Variants in PDE1C observed in about 807,000 individuals in gnomAD.
The protein encoded by PDE1C is dual specificity calcium/calmodulin-dependent 3',5'-cyclic nucleotide phosphodiesterase 1C.
Under a neutral mutation model 93.1 loss-of-function variants are expected in PDE1C, and 62 were observed. That is an observed-to-expected ratio of 0.67 (90% CI 0.54 to 0.82). The LOEUF (loss-of-function observed/expected upper bound fraction) is 0.82, where lower values mean the gene tolerates loss of function less well. PDE1C is among the 40% of genes least tolerant of loss of function. The probability of loss-of-function intolerance (pLI) is 0.00; values close to 1 mark genes in which losing one functional copy is unlikely to be tolerated. For missense variants in PDE1C, 742 were observed against 884.6 expected (o/e 0.84, Z 2.04); for synonymous variants, 325 against 310.1 (o/e 1.05, Z -0.50).
chr7:32,171,860 G>T (rs894267177), intron 2 of PDE1C, among the ~76,000 whole-genome samples: 1 of 147,094 alleles, frequency 6.8e-6, no homozygotes, highest in East Asian at 2.0e-4. Context: ...GCCAAGAGGA[G>T]CCTAAAGATA....
intron 1 of PDE1C, among the ~76,000 whole-genome samples, chr7:32,323,467 G>A (rs1783338799): frequency 6.6e-6 from 1 of 152,138 alleles, no homozygotes; most frequent in Non-Finnish European, 1.5e-5. Context: ...AAGGAGCCCA[G>A]ACCTAGGTGG....
At chr7:32,395,931 C>T (rs888713523) in intron 1 of PDE1C, among the ~76,000 whole-genome samples, 30 of 152,202 alleles carry the variant, frequency 2.0e-4, no homozygotes, top group African/African-American at 6.7e-4. Flanking sequence ...ACAGGAAAAA[C>T]ATATTTTCTT....
At chr7:31,621,204 C>T in the PDE1C span, among the ~76,000 whole-genome samples, 1 of 152,078 alleles carries the variant, frequency 6.6e-6, no homozygotes, top group Non-Finnish European at 1.5e-5. Context: ...TCCAGGAGAA[C>T]TTCCCCAATC....
chr7:31,853,678 A>AT (rs70989614), intron 7 of PDE1C, among the ~76,000 whole-genome samples: 148,540 of 152,140 alleles, frequency 0.98, 72,615 homozygotes, highest in East Asian at 1. Flanking sequence ...GAAGGGAGAT[A>AT]AAAAGCAGGG....
At chr7:31,807,093 C>A (rs781674517) in intron 16 of PDE1C, among the ~76,000 whole-genome samples, 13 of 151,742 alleles carry the variant, frequency 8.6e-5, no homozygotes, top group Non-Finnish European at 1.6e-4. Context: ...GTCACTGAAG[C>A]TCAATGCTCT....
chr7:31,966,309 C>A (rs1202508945), intron 2 of PDE1C, among the ~76,000 whole-genome samples: 1 of 152,110 alleles, frequency 6.6e-6, no homozygotes, highest in Non-Finnish European at 1.5e-5. Flanking sequence ...GGTTGCAATC[C>A]TAGTCTCAGA....
At chr7:31,655,541 T>C in the PDE1C span, among the ~76,000 whole-genome samples, 1 of 152,132 alleles carries the variant, frequency 6.6e-6, no homozygotes. Context: ...AGCCAGAGAA[T>C]GAGAGAGAAA....
intron 2 of PDE1C, among the ~76,000 whole-genome samples, chr7:32,196,339 C>T (rs540049883): frequency 6.6e-6 from 1 of 152,186 alleles, no homozygotes; most frequent in South Asian, 2.1e-4. Flanking sequence ...CTAGGCTTCC[C>T]CTTTCCTGGT....
chr7:32,013,627 AC>A (rs138009891), intron 2 of PDE1C, among the ~76,000 whole-genome samples: 8,519 of 152,288 alleles, frequency 0.056, 277 homozygotes, highest in Non-Finnish European at 0.074. Flanking sequence ...AAAGGTAAAA[AC>A]ATCTCCAAAT....
intron 9 of PDE1C, among the ~76,000 whole-genome samples, chr7:31,838,584 C>T (rs879590591): frequency 3.3e-5 from 5 of 152,094 alleles, no homozygotes; most frequent in Non-Finnish European, 7.4e-5. Flanking sequence ...TACAGTTCTA[C>T]CAGTTTTGAC....
intron 2 of PDE1C, among the ~76,000 whole-genome samples, chr7:32,191,349 C>CCATGAGG (rs146127480): frequency 0.18 from 27,023 of 152,080 alleles, 2,726 homozygotes; most frequent in South Asian, 0.28. Flanking sequence ...AAAGATCCCT[C>CCATGAGG]ATGTTATCCT....
At chr7:32,136,744 C>A (rs1023674136) in intron 3 of PDE1C, among the ~76,000 whole-genome samples, 1 of 152,152 alleles carries the variant, frequency 6.6e-6, no homozygotes, top group African/African-American at 2.4e-5. Flanking sequence ...GTTGAGATAG[C>A]TTTAGCTCAA....
intron 6 of PDE1C, 69 bp downstream of exon 6, chr7:31,873,223 C>G: frequency 1.0e-6 from 1 of 956,410 alleles, no homozygotes; most frequent in Admixed American, 2.1e-5. Context: ...TAGTCTGAAC[C>G]CAAAAGTCAT....
At chr7:31,797,467 C>A (rs760619063) in intron 16 of PDE1C, among the ~76,000 whole-genome samples, 13 of 151,728 alleles carry the variant, frequency 8.6e-5, no homozygotes, top group Non-Finnish European at 1.6e-4. Flanking sequence ...ACTTCAGTGG[C>A]ATGACCACTA....
At chr7:32,239,708 G>A (rs1250190706) in intron 1 of PDE1C, among the ~76,000 whole-genome samples, 2 of 152,180 alleles carry the variant, frequency 1.3e-5, no homozygotes, top group African/African-American at 4.8e-5. Flanking sequence ...AGGACAGGGA[G>A]AGAAATGAGA....
intron 2 of PDE1C, among the ~76,000 whole-genome samples, chr7:31,952,702 T>C (rs77510828): frequency 0.011 from 1,617 of 152,320 alleles, 15 homozygotes; most frequent in Non-Finnish European, 0.019. Flanking sequence ...AATGGACTAA[T>C]GATACCTGCT....
intron 2 of PDE1C, among the ~76,000 whole-genome samples, chr7:32,025,749 A>G (rs1241504878): frequency 6.6e-6 from 1 of 152,156 alleles, no homozygotes; most frequent in Non-Finnish European, 1.5e-5. Flanking sequence ...CGTCCATGTC[A>G]TGAATGGAGT....
chr7:31,671,363 T>TA, the PDE1C span, among the ~76,000 whole-genome samples: 4 of 152,174 alleles, frequency 2.6e-5, no homozygotes, highest in African/African-American at 9.7e-5. Flanking sequence ...TGCTCCCTCC[T>TA]ACAAGGGGTT....
intron 3 of PDE1C, among the ~76,000 whole-genome samples, chr7:32,138,433 CTG>C (rs1334277191): frequency 6.6e-6 from 1 of 152,130 alleles, no homozygotes; most frequent in Non-Finnish European, 1.5e-5. Context: ...CTTATGCAAA[CTG>C]ATGTTCTCCC....
Sources: allele counts gnomAD v4.1 joint callset (sites outside exome capture counted in the v4.1 genomes callset), GRCh38; gene constraint gnomAD v4.1.1; transcripts MANE v1.5; gene names NCBI Gene and HGNC (gene_info 2026-07-23, HGNC 2026-07-21).